DLG2: variants seen among roughly 807,000 people sequenced by gnomAD.
DLG2 encodes discs large MAGUK scaffold protein 2.
Under a neutral mutation model 132.5 loss-of-function variants are expected in DLG2, and 45 were observed. That is an observed-to-expected ratio of 0.34 (90% confidence interval 0.27 to 0.44). The LOEUF (loss-of-function observed/expected upper bound fraction) is 0.44. DLG2 is among the 20% of genes least tolerant of loss of function. The pLI, the probability that DLG2 is intolerant of heterozygous loss-of-function variation, is 1.00. For synonymous variants in DLG2, 424 were observed against 419.6 expected, an observed-to-expected ratio of 1.01 and a Z score of -0.13; for missense variants, 1,045 against 1,196.9, an observed-to-expected ratio of 0.87 and a Z score of 1.87.
At chr11:83,486,349 T>TG (rs2093504445) in intron 21 of DLG2, 1 of 548,926 alleles carries the variant, frequency 1.8e-6, no homozygotes, top group Non-Finnish European at 3.2e-6. Context: ...TGACTTGTCA[T>TG]GCAAAAAAAA....
chr11:84,529,646 G>T (rs2099330480), intron 7 of DLG2, among the ~76,000 whole-genome samples: 1 of 152,172 alleles, frequency 6.6e-6, no homozygotes, highest in African/African-American at 2.4e-5. Context: ...AATCCAAGAT[G>T]ATTCAAACAA....
chr11:85,399,268 A>G (rs2087770342), intron 3 of DLG2, among the ~76,000 whole-genome samples: 1 of 152,232 alleles, frequency 6.6e-6, no homozygotes, highest in Non-Finnish European at 1.5e-5. Flanking sequence ...CCACTGCTCA[A>G]TGAAATAAAA....
intron 3 of DLG2, among the ~76,000 whole-genome samples, chr11:85,535,941 T>TGTG (rs147991498): frequency 0.094 from 14,259 of 151,870 alleles, 1,079 homozygotes; most frequent in Non-Finnish European, 0.13. Context: ...ATAGTCCAAG[T>TGTG]GTGGTGGCTC....
At chr11:85,619,611 A>C (rs548557979) in intron 2 of DLG2, among the ~76,000 whole-genome samples, 3 of 152,270 alleles carry the variant, frequency 2.0e-5, no homozygotes, top group African/African-American at 7.2e-5. Flanking sequence ...AGGCAGATGA[A>C]TCACCTGAGG....
At chr11:83,691,219 C>T (rs185737622) in intron 18 of DLG2, among the ~76,000 whole-genome samples, 95 of 152,282 alleles carry the variant, frequency 6.2e-4, no homozygotes, top group Non-Finnish European at 1.2e-3. Context: ...GAAATATGCA[C>T]TTGATCTCAC....
intron 19 of DLG2, among the ~76,000 whole-genome samples, chr11:83,575,294 G>T (rs955876036): frequency 6.6e-6 from 1 of 152,252 alleles, no homozygotes; most frequent in African/African-American, 2.4e-5. Context: ...AACAAATGAG[G>T]TAACTGCCCC....
chr11:84,552,416 G>A (rs113880728), intron 6 of DLG2, among the ~76,000 whole-genome samples: 2,402 of 152,172 alleles, frequency 0.016, 76 homozygotes, highest in African/African-American at 0.056. Context: ...CACCTCCAAT[G>A]TTTTGCACTT....
chr11:83,580,132 T>TATC (rs2096944799), intron 19 of DLG2, among the ~76,000 whole-genome samples: 1 of 152,068 alleles, frequency 6.6e-6, no homozygotes, highest in Admixed American at 6.5e-5. Flanking sequence ...ATTTCATTTG[T>TATC]ATCATCATAC....
At chr11:84,072,666 G>C (rs112996859) in intron 10 of DLG2, among the ~76,000 whole-genome samples, 3 of 152,292 alleles carry the variant, frequency 2.0e-5, no homozygotes, top group African/African-American at 7.2e-5. Flanking sequence ...GTCTTGGTAC[G>C]ACATGTTAAA....
chr11:83,608,717 C>A (rs1190506529), intron 19 of DLG2, among the ~76,000 whole-genome samples: 1 of 151,480 alleles, frequency 6.6e-6, no homozygotes, highest in Non-Finnish European at 1.5e-5. Flanking sequence ...GACACACACA[C>A]ACACACGCAC....
chr11:85,491,201 G>A (rs186243240), intron 3 of DLG2, among the ~76,000 whole-genome samples: 1 of 152,108 alleles, frequency 6.6e-6, no homozygotes, highest in Non-Finnish European at 1.5e-5. Context: ...TATAGAAAAG[G>A]CATTTGATAA....
intron 8 of DLG2, among the ~76,000 whole-genome samples, chr11:84,181,329 T>C (rs1192112342): frequency 6.6e-6 from 1 of 151,628 alleles, no homozygotes; most frequent in Admixed American, 6.6e-5. Context: ...ATGGCAACCA[T>C]TGAAAAAGTA....
At chr11:84,840,039 C>CA (rs1279967529) in intron 6 of DLG2, among the ~76,000 whole-genome samples, 4 of 151,884 alleles carry the variant, frequency 2.6e-5, no homozygotes, top group Non-Finnish European at 4.4e-5. Flanking sequence ...AAACTACCAT[C>CA]GAGTGAACAG....
intron 2 of DLG2, among the ~76,000 whole-genome samples, chr11:85,621,879 C>G (rs2081728962): frequency 6.6e-6 from 1 of 152,122 alleles, no homozygotes; most frequent in African/African-American, 2.4e-5. Context: ...TTGAGAAAAC[C>G]AATTCCAATT....
chr11:85,313,362 T>C (rs1309333197), intron 3 of DLG2, among the ~76,000 whole-genome samples: 1 of 152,092 alleles, frequency 6.6e-6, no homozygotes, highest in Admixed American at 6.6e-5. Flanking sequence ...GATTTTGACA[T>C]AAACAAGAAA....
At chr11:84,034,236 G>A (rs1295149282) in intron 11 of DLG2, among the ~76,000 whole-genome samples, 1 of 152,116 alleles carries the variant, frequency 6.6e-6, no homozygotes, top group African/African-American at 2.4e-5. Flanking sequence ...AGAAAAAGAT[G>A]ATTGACTCAC....
intron 6 of DLG2, among the ~76,000 whole-genome samples, chr11:84,638,988 C>G (rs1427794140): frequency 6.6e-6 from 1 of 152,226 alleles, no homozygotes; most frequent in Non-Finnish European, 1.5e-5. Context: ...CTGAGGACCA[C>G]TGATAAAATC....
At chr11:85,057,189 T>C (rs1043974447) in intron 6 of DLG2, among the ~76,000 whole-genome samples, 3 of 151,412 alleles carry the variant, frequency 2.0e-5, no homozygotes, top group Non-Finnish European at 3.0e-5. Context: ...AAAGCCCGGA[T>C]ATAGTTGAAG....
intron 19 of DLG2, among the ~76,000 whole-genome samples, chr11:83,623,655 AATC>A (rs1466411269): frequency 6.6e-6 from 1 of 152,210 alleles, no homozygotes; most frequent in Non-Finnish European, 1.5e-5. Flanking sequence ...CTTTCTATTT[AATC>A]ATCATCTTTA....
Sources: gnomAD v4.1 joint callset for allele counts (sites outside exome capture counted in the v4.1 genomes callset) on GRCh38, gnomAD v4.1.1 for gene constraint, MANE v1.5 for transcripts, NCBI Gene and HGNC (gene_info 2026-07-23, HGNC 2026-07-21) for gene names.